The following NFIB variants were observed in gnomAD, a reference collection of about 807,000 sequenced individuals.
NFIB encodes the protein nuclear factor I B.
A neutral mutation model predicts 61.5 loss-of-function variants in NFIB; 11 were observed. The observed-to-expected ratio is 0.18, with a 90% CI of 0.11 to 0.30. The LOEUF is 0.30. NFIB is among the 10% of genes least tolerant of loss of function. The probability of loss-of-function intolerance (pLI) is 1.00; values close to 1 mark genes in which losing one functional copy is unlikely to be tolerated. For synonymous variants in NFIB, 260 were observed against 216.5 expected (o/e 1.20, Z -1.76); for missense variants, 471 against 608.9 (o/e 0.77, Z 2.38).
chr9:14,220,528 G>A (rs1160884085), intron 2 of NFIB, among the ~76,000 whole-genome samples: 1 of 152,234 alleles, frequency 6.6e-6, no homozygotes, highest in Non-Finnish European at 1.5e-5. Context: ...AAGAAACCAG[G>A]AGCCCCGCCT....
upstream of NFIB, among the ~76,000 whole-genome samples, chr9:14,402,990 G>A (rs2061756664): frequency 6.6e-6 from 1 of 152,178 alleles, no homozygotes; most frequent in Non-Finnish European, 1.5e-5. Context: ...ACAGTACCAG[G>A]AGGTATTTGA....
intron 7 of NFIB, among the ~76,000 whole-genome samples, chr9:14,124,196 T>A (rs548667048): frequency 3.3e-5 from 5 of 152,190 alleles, no homozygotes; most frequent in Non-Finnish European, 7.3e-5. Flanking sequence ...TATATAAAAA[T>A]ATACTGTCTA....
intron 2 of NFIB, among the ~76,000 whole-genome samples, chr9:14,232,994 T>C (rs2053368004): frequency 6.6e-6 from 1 of 152,190 alleles, no homozygotes; most frequent in Non-Finnish European, 1.5e-5. Flanking sequence ...CGGGTCTGCC[T>C]CTGGCTTCCT....
the NFIB span, among the ~76,000 whole-genome samples, chr9:14,460,302 G>A: frequency 2.6e-5 from 4 of 151,522 alleles, no homozygotes; most frequent in Non-Finnish European, 4.4e-5. Flanking sequence ...CTCACTCATA[G>A]GTGGGAATTG....
rs2046691388 is a variant in NFIB, at chr9:14,180,892, T to A, written c.563-1112A>T. The A allele has an allele frequency of 1.3e-5, 2 of 152,196 alleles. 1 individual carries two copies. Among genetic ancestry groups the A allele is most frequent in the South Asian group, 4.1e-4 (2 of 4,832 alleles). The allele number at this position is 152,196 out of a possible 1,614,324, so 9.4% of individuals were successfully genotyped here. ...CTAGAAAAGGCAATTTTGAACTTGA[T>A]AATGAATTTCAACAAAATTTGATAG... On this transcript the variant is annotated intron_variant, in intron 2 of 10. Coordinates refer to ENST00000380953, the MANE Select transcript of NFIB (RefSeq NM_001190737.2).
At chr9:14,442,620 G>A in the NFIB span, among the ~76,000 whole-genome samples, 2 of 152,068 alleles carry the variant, frequency 1.3e-5, no homozygotes, top group African/African-American at 2.4e-5. Flanking sequence ...AATCTTTGGC[G>A]GTCCCTGGCT....
At chr9:14,430,796 G>T in the NFIB span, among the ~76,000 whole-genome samples, 1 of 152,034 alleles carries the variant, frequency 6.6e-6, no homozygotes, top group Non-Finnish European at 1.5e-5. Flanking sequence ...TGGCCAGGCT[G>T]GTCTTGAACT....
intron 1 of NFIB, among the ~76,000 whole-genome samples, chr9:14,332,057 G>A (rs965327630): frequency 1.5e-4 from 23 of 152,108 alleles, no homozygotes; most frequent in African/African-American, 5.6e-4. Context: ...AGGAAGCCAG[G>A]TGGGGTGGCT....
intron 1 of NFIB, among the ~76,000 whole-genome samples, chr9:14,326,545 G>T (rs147051810): frequency 4.1e-4 from 63 of 152,242 alleles, no homozygotes; most frequent in Non-Finnish European, 4.0e-4. Flanking sequence ...GTGGTTTGTG[G>T]TGTCATCAAA....
the NFIB span, among the ~76,000 whole-genome samples, chr9:14,415,597 T>A: frequency 6.6e-6 from 1 of 152,242 alleles, no homozygotes; most frequent in South Asian, 2.1e-4. Flanking sequence ...ATTCATTTTC[T>A]GTTCTAGCCC....
chr9:14,524,200 A>G, the NFIB span, among the ~76,000 whole-genome samples: 1 of 152,312 alleles, frequency 6.6e-6, no homozygotes, highest in East Asian at 1.9e-4. Flanking sequence ...TTTTGGTTGC[A>G]CACTTGAGCA....
intron 2 of NFIB, among the ~76,000 whole-genome samples, chr9:14,276,606 T>C (rs1453030635): frequency 6.6e-6 from 1 of 152,156 alleles, no homozygotes; most frequent in African/African-American, 2.4e-5. Context: ...GGGTAACTTA[T>C]TGTAAAATTC....
the NFIB span, among the ~76,000 whole-genome samples, chr9:14,522,199 T>C: frequency 1.3e-5 from 2 of 152,228 alleles, no homozygotes. Context: ...GGTTTACATC[T>C]GTGCGAAGGT....
intron 2 of NFIB, among the ~76,000 whole-genome samples, chr9:14,220,609 G>A (rs1452981419): frequency 1.3e-5 from 2 of 152,026 alleles, no homozygotes; most frequent in Admixed American, 1.3e-4. Context: ...GTGGATCACA[G>A]CCCATAGCTC....
At chr9:14,255,325 T>C (rs1033194180) in intron 2 of NFIB, among the ~76,000 whole-genome samples, 1 of 152,226 alleles carries the variant, frequency 6.6e-6, no homozygotes, top group African/African-American at 2.4e-5. Context: ...CTTGCTGAAT[T>C]TGTTGAACTT....
At chr9:14,407,930 T>A in the NFIB span, among the ~76,000 whole-genome samples, 1 of 152,096 alleles carries the variant, frequency 6.6e-6, no homozygotes, top group Non-Finnish European at 1.5e-5. Flanking sequence ...CAAGTAATCC[T>A]CCCATCCTTG....
upstream of NFIB, among the ~76,000 whole-genome samples, chr9:14,316,814 T>G: frequency 6.6e-6 from 1 of 152,298 alleles, no homozygotes; most frequent in South Asian, 2.1e-4. Context: ...ATACCAGCTT[T>G]AACTACTGCA....
intron 2 of NFIB, among the ~76,000 whole-genome samples, chr9:14,188,385 A>G (rs913075723): frequency 1.3e-5 from 2 of 152,220 alleles, no homozygotes; most frequent in African/African-American, 4.8e-5. Context: ...CCAGCATAAT[A>G]TAAATACAGA....
chr9:14,346,904 A>G (rs1377886168), intron 1 of NFIB, among the ~76,000 whole-genome samples: 2 of 152,222 alleles, frequency 1.3e-5, no homozygotes, highest in South Asian at 2.1e-4. Flanking sequence ...AACCCGCTGC[A>G]TCGACAGCTT....
Sources: gnomAD v4.1 joint callset for allele counts (sites outside exome capture counted in the v4.1 genomes callset) on GRCh38, gnomAD v4.1.1 for gene constraint, MANE v1.5 for transcripts, NCBI Gene and HGNC (gene_info 2026-07-23, HGNC 2026-07-21) for gene names.